The following TRHDE variants were observed in gnomAD, a reference collection of about 807,000 sequenced individuals.
The protein encoded by TRHDE is thyrotropin-releasing hormone-degrading ectoenzyme.
In TRHDE, 72 loss-of-function variants were observed where a neutral mutation model predicts 125.7. The observed-to-expected ratio is 0.57, with a 90% CI of 0.47 to 0.70. The LOEUF (loss-of-function observed/expected upper bound fraction) is 0.70. Ranked by LOEUF, TRHDE falls within the 30% of genes least tolerant of loss-of-function variation. The pLI is 0.00. For synonymous variants in TRHDE, 509 were observed against 509.1 expected (o/e 1.00, Z 0.00); for missense variants, 1,110 against 1,327.1 (o/e 0.84, Z 2.54).
At chr12:72,180,194 G>A (rs1398410163) in intron 2 of TRHDE, among the ~76,000 whole-genome samples, 5 of 151,748 alleles carry the variant, frequency 3.3e-5, no homozygotes, top group African/African-American at 1.2e-4. Context: ...AAAAAGTTAT[G>A]TTTTTAGAGC....
intron 2 of TRHDE, among the ~76,000 whole-genome samples, chr12:72,144,761 A>G (rs1026920989): frequency 1.3e-5 from 2 of 152,196 alleles, no homozygotes; most frequent in African/African-American, 4.8e-5. Context: ...GTCAGGAACA[A>G]TAGCCCACTT....
intron 2 of TRHDE, among the ~76,000 whole-genome samples, chr12:72,365,114 G>A (rs1287516373): frequency 6.6e-6 from 1 of 152,084 alleles, no homozygotes; most frequent in Non-Finnish European, 1.5e-5. Flanking sequence ...GCAGGAGAAA[G>A]ATTAGTTGTT....
At chr12:72,380,498 T>C (rs1320844795) in intron 3 of TRHDE, among the ~76,000 whole-genome samples, 1 of 152,054 alleles carries the variant, frequency 6.6e-6, no homozygotes, top group African/African-American at 2.4e-5. Context: ...AGGACTAAAC[T>C]CAGCAGATAT....
intron 2 of TRHDE, among the ~76,000 whole-genome samples, chr12:72,177,231 A>T (rs1013203731): frequency 6.6e-6 from 1 of 152,212 alleles, no homozygotes; most frequent in African/African-American, 2.4e-5. Context: ...TAGTTCTTTC[A>T]AAAGTACCAA....
At chr12:72,510,632 A>G (rs1161780132) in intron 6 of TRHDE, among the ~76,000 whole-genome samples, 1 of 152,178 alleles carries the variant, frequency 6.6e-6, no homozygotes, top group African/African-American at 2.4e-5. Context: ...AATAGAAAAT[A>G]TGATTTGGGT....
chr12:72,205,735 C>G (rs1005213021), intron 2 of TRHDE, among the ~76,000 whole-genome samples: 1 of 152,156 alleles, frequency 6.6e-6, no homozygotes, highest in Admixed American at 6.5e-5. Flanking sequence ...TATGTCCATA[C>G]TATATTTTCT....
chr12:72,294,344 G>T (rs1212835248), intron 2 of TRHDE, among the ~76,000 whole-genome samples: 1 of 152,144 alleles, frequency 6.6e-6, no homozygotes, highest in East Asian at 1.9e-4. Context: ...GAAAAGCTCA[G>T]AGGGAACCTG....
intron 2 of TRHDE, among the ~76,000 whole-genome samples, chr12:72,363,065 T>C (rs934902485): frequency 3.3e-5 from 5 of 152,114 alleles, no homozygotes; most frequent in African/African-American, 9.6e-5. Context: ...TTTGGTTCCA[T>C]ATGAACTTTA....
chr12:72,365,958 CT>C (rs1442182663), intron 2 of TRHDE, among the ~76,000 whole-genome samples: 1 of 152,104 alleles, frequency 6.6e-6, no homozygotes, highest in Non-Finnish European at 1.5e-5. Flanking sequence ...CATCCATTGC[CT>C]TCCCTGGCTT....
At chr12:72,405,994 G>T (rs1344777382) in intron 3 of TRHDE, among the ~76,000 whole-genome samples, 1 of 152,116 alleles carries the variant, frequency 6.6e-6, no homozygotes, top group Non-Finnish European at 1.5e-5. Context: ...AGGCTCACTA[G>T]CTCGTAGGAC....
chr12:72,549,502 C>T (rs1382486002), intron 7 of TRHDE, among the ~76,000 whole-genome samples: 1 of 151,768 alleles, frequency 6.6e-6, no homozygotes, highest in Non-Finnish European at 1.5e-5. Context: ...GCTCAAATGT[C>T]TCCTAGTTTT....
At chr12:72,468,640 C>G (rs1180657901) in intron 3 of TRHDE, among the ~76,000 whole-genome samples, 1 of 152,330 alleles carries the variant, frequency 6.6e-6, no homozygotes, top group South Asian at 2.1e-4. Context: ...GCAAGGAGCG[C>G]TAGCTATTTT....
At chr12:72,424,850 A>C (rs567997217) in intron 3 of TRHDE, among the ~76,000 whole-genome samples, 66 of 152,270 alleles carry the variant, frequency 4.3e-4, no homozygotes, top group African/African-American at 1.5e-3. Context: ...GTATTTAGTA[A>C]AAGAATGCTA....
chr12:72,363,092 T>C (rs1284100408), intron 2 of TRHDE, among the ~76,000 whole-genome samples: 1 of 151,976 alleles, frequency 6.6e-6, no homozygotes, highest in South Asian at 2.1e-4. Context: ...GTTTTTCCAG[T>C]TCTGTGAAGA....
chr12:72,443,202 G>C (rs1020901956), intron 3 of TRHDE, among the ~76,000 whole-genome samples: 2 of 113,850 alleles, frequency 1.8e-5, no homozygotes, highest in African/African-American at 6.5e-5. Context: ...CTGTGTGTGT[G>C]TGTGTGTGTG....
intron 2 of TRHDE, among the ~76,000 whole-genome samples, chr12:72,123,999 T>C (rs1364663021): frequency 6.6e-6 from 1 of 152,198 alleles, no homozygotes; most frequent in African/African-American, 2.4e-5. Flanking sequence ...CAGTGGTTTG[T>C]TCCTTTTTAT....
intron 2 of TRHDE, among the ~76,000 whole-genome samples, chr12:72,349,989 T>A (rs1773113817): frequency 6.6e-6 from 1 of 152,002 alleles, no homozygotes; most frequent in Non-Finnish European, 1.5e-5. Flanking sequence ...GTCTGTGATA[T>A]CATTCCTTTT....
intron 2 of TRHDE, among the ~76,000 whole-genome samples, chr12:72,352,237 GAA>G (rs147186071): frequency 6.9e-6 from 1 of 144,128 alleles, no homozygotes; most frequent in Non-Finnish European, 1.5e-5. Flanking sequence ...TGTTGGGAGA[GAA>G]AAAAAAAAAG....
intron 15 of TRHDE, among the ~76,000 whole-genome samples, chr12:72,648,784 G>GA (rs150066972): frequency 2.4e-4 from 35 of 148,714 alleles, no homozygotes; most frequent in African/African-American, 3.2e-4. Flanking sequence ...CCATCTCTAT[G>GA]AAAAAAAAAT....
Sources: allele counts gnomAD v4.1 joint callset (sites outside exome capture counted in the v4.1 genomes callset), GRCh38; gene constraint gnomAD v4.1.1; transcripts MANE v1.5; gene names NCBI Gene and HGNC (gene_info 2026-07-23, HGNC 2026-07-21).